Variants in CCNJ observed in about 807,000 individuals in gnomAD.
CCNJ encodes cyclin J, also known as cyclin-J.
CCNJ carries 12 observed loss-of-function variants against 41.4 expected under a neutral mutation model. That is an observed-to-expected ratio of 0.29 (90% confidence interval 0.19 to 0.47). CCNJ has a LOEUF of 0.47. Among genes scored for constraint, CCNJ ranks in the 20% least tolerant of loss-of-function variants. CCNJ has a pLI of 1.00. For synonymous variants in CCNJ, 161 were observed against 173.4 expected (o/e 0.93, Z 0.56); for missense variants, 340 against 464.6 (o/e 0.73, Z 2.47).
intron 1 of CCNJ, among the ~76,000 whole-genome samples, chr10:96,044,099 G>C (rs1434467857): frequency 6.6e-6 from 1 of 152,220 alleles, no homozygotes; most frequent in African/African-American, 2.4e-5. Flanking sequence ...TGGCAACTCA[G>C]GGCCCGAGTG....
At chr10:96,049,177 A>T (rs1348963461) in intron 2 of CCNJ, among the ~76,000 whole-genome samples, 1 of 152,162 alleles carries the variant, frequency 6.6e-6, no homozygotes, top group African/African-American at 2.4e-5. Context: ...TGCATTTCCT[A>T]ATAATTAGTG....
Position 96,060,047 on chromosome 10 carries a change from A to AGT in CCNJ, c.*1807_*1808dup, listed in dbSNP as rs1389902168. 2.0e-5 allele frequency: 3 copies of AGT among 152,670 alleles called. No individual in the cohort carries two copies. Among genetic ancestry groups the AGT allele is most frequent in the African/African-American group, 7.2e-5 (3 of 41,466 alleles). 9.5% of individuals were successfully genotyped at this position (152,670 alleles called of 1,614,324 possible). A position where few individuals can be genotyped will look rare whatever the true frequency, so the allele number is the denominator to read the frequency against. On this transcript the variant is annotated 3_prime_UTR_variant, in exon 6 of 6. Coordinates refer to ENST00000465148, the MANE Select transcript of CCNJ (RefSeq NM_001134375.2). ...TTAAGCATGAAAATTGTTTTCTGAA[A>AGT]GTATCATCACTTTTCCTTTTTAAAG... is the stretch of plus-strand genomic sequence containing the variant.
At position 96,051,164 on chromosome 10, in the gene CCNJ, T is replaced by A. The variant is rs539351763; in HGVS notation, c.280+698T>A. 4.6e-5 allele frequency among the ~76,000 whole-genome samples: 7 copies of A among 152,356 alleles called. No individual in the cohort carries two copies. In the South Asian group the frequency reaches 1.4e-3, roughly 32 times the overall value. ...TTGCTTATGCATTAGACCAACTGTG[T>A]AGTAGGCTCCAAGATACAATCTGAT... is the stretch of plus-strand genomic sequence containing the variant. On this transcript the variant is annotated intron_variant, in intron 3 of 5. Transcript: ENST00000465148.
chr10:96,043,811 T>A (rs2142017329), intron 1 of CCNJ, 92 bp downstream of exon 1: 1 of 384,198 alleles, frequency 2.6e-6, no homozygotes, highest in African/African-American at 2.1e-5. Flanking sequence ...AGAGCCTGGC[T>A]GGCCCGGCCT....
chr10:96,054,603 T>C (rs139357012), intron 3 of CCNJ, among the ~76,000 whole-genome samples: 2 of 152,314 alleles, frequency 1.3e-5, no homozygotes, highest in Non-Finnish European at 2.9e-5. Flanking sequence ...AATACAGAAA[T>C]CTGTCAGTTC....
Position 96,044,358 on chromosome 10 carries a change from A to G in CCNJ, c.-36A>G. The G allele has an allele frequency of 1.3e-6, 2 of 1,494,974 alleles. No individual in the cohort carries two copies. The highest frequency in any genetic ancestry group is 1.8e-6 in the Non-Finnish European group (2 of 1,112,892). The allele number at this position is 1,494,974 out of a possible 1,614,324, so 92.6% of individuals were successfully genotyped here. The stretch of plus-strand genomic sequence containing the variant: ...GCCTGGGGTGTGTCTTACAGACTCG[A>G]GTTGCCGCGTCGGGCTGGGCGCGCC... On this transcript the variant is annotated 5_prime_UTR_variant, in exon 2 of 6. Coordinates refer to ENST00000465148, the MANE Select transcript of CCNJ (RefSeq NM_001134375.2).
intron 3 of CCNJ, among the ~76,000 whole-genome samples, chr10:96,054,211 T>A (rs2080613398): frequency 1.3e-5 from 2 of 152,206 alleles, no homozygotes; most frequent in Non-Finnish European, 2.9e-5. Flanking sequence ...ATTTGGGGCC[T>A]TTATCAATAT....
In CCNJ at chr10:96,057,264, TTG is replaced by T; in HGVS notation, c.740+21_740+22del. On this transcript the variant is annotated intron_variant, in intron 5 of 5. Coordinates refer to ENST00000465148, the MANE Select transcript of CCNJ (RefSeq NM_001134375.2). ...ACTGTTGATGTAAGCCTTTTTATTC[TTG>T]TGTTTGTACTTTCTCATTAACAGTT... 6.2e-7 allele frequency: 1 copy of T among 1,608,444 alleles called. No individual in the cohort carries two copies. The highest frequency in any genetic ancestry group is 1.3e-5 in the African/African-American group (1 of 74,710).
At position 96,058,204 on chromosome 10, in the gene CCNJ, A is replaced by T; in HGVS notation, c.1115A>T (p.Glu372Val). The change falls in exon 6 of 6, where the codon GAA (glutamate) becomes GTA (valine). Residue 372 changes from glutamate to valine, a missense_variant. Physicochemically the swap from Glu to Val is moderately radical, Grantham distance 121 (BLOSUM62 -2). Coordinates refer to ENST00000465148, the MANE Select transcript of CCNJ (RefSeq NM_001134375.2). The part of the protein sequence containing the change: ...VSYNRSYQIN[E>V]HYPCITPCFE... The stretch of plus-strand genomic sequence containing the variant: ...TACAACCGGAGTTATCAGATAAATG[A>T]ACATTACCCTTGTATTACTCCATGT... 6.2e-7 allele frequency: 1 copy of T among 1,614,134 alleles called. No homozygotes were observed.
intron 2 of CCNJ, among the ~76,000 whole-genome samples, chr10:96,047,722 G>A (rs2080402774): frequency 6.6e-6 from 1 of 152,164 alleles, no homozygotes; most frequent in Non-Finnish European, 1.5e-5. Context: ...ATTAAGTTAG[G>A]TGAATATATA....
chr10:96,057,958 ATC>A lies in CCNJ; in HGVS notation c.872_873del (p.Leu291ProfsTer44). The A allele has an allele frequency of 1.9e-6, 3 of 1,614,192 alleles. No homozygotes were observed. The highest frequency in any genetic ancestry group is 2.5e-6 in the Non-Finnish European group (3 of 1,180,030). On this transcript the variant is annotated frameshift_variant, in exon 6 of 6. Coordinates refer to ENST00000465148, the MANE Select transcript of CCNJ (RefSeq NM_001134375.2). LOFTEE classifies it high-confidence loss of function. Reference sequence around the variant, plus strand: ...CCAGTTCACTTTCAGCAACCTCAGTATCTCCATCAGACACATCAGACCTCACT... The same window carrying A: ...CCAGTTCACTTTCAGCAACCTCAGTATCCATCAGACACATCAGACCTCACT...
In CCNJ at chr10:96,045,725, T is replaced by C. The variant is rs548160604; in HGVS notation, c.69+1263T>C. ...ATGTCATCTTTCAATGTGAAATGTT[T>C]TCTTTTTTAAAAAAATTAATATAGT... On this transcript the variant is annotated intron_variant, in intron 2 of 5. Coordinates refer to ENST00000465148, the MANE Select transcript of CCNJ (RefSeq NM_001134375.2). Among the ~76,000 whole-genome samples the C allele has an allele frequency of 2.1e-4, 32 of 152,348 alleles. No homozygotes were observed. In the South Asian group the frequency reaches 6.6e-3, roughly 32 times the overall value.
chr10:96,052,402 C>G (rs1375984935), intron 3 of CCNJ, among the ~76,000 whole-genome samples: 1 of 152,148 alleles, frequency 6.6e-6, no homozygotes, highest in African/African-American at 2.4e-5. Context: ...ATTTTAAAAA[C>G]TTGGTATCAT....
intron 3 of CCNJ, among the ~76,000 whole-genome samples, chr10:96,055,136 A>C (rs966968362): frequency 1.3e-5 from 2 of 152,148 alleles, no homozygotes; most frequent in African/African-American, 4.8e-5. Context: ...TGTTAAATTG[A>C]TCTTTATGTG....
intron 3 of CCNJ, among the ~76,000 whole-genome samples, chr10:96,055,738 T>C (rs143360012): frequency 6.6e-6 from 1 of 152,360 alleles, no homozygotes; most frequent in African/African-American, 2.4e-5. Context: ...ATATTGTCTT[T>C]ACTCCTATTC....
chr10:96,056,076 G>A (rs57185821), intron 3 of CCNJ, among the ~76,000 whole-genome samples: 5,636 of 152,306 alleles, frequency 0.037, 361 homozygotes, highest in East Asian at 0.28. Context: ...TTGGGAGGCC[G>A]AGGCAGGCAG....
intron 1 of CCNJ, 40 bp from the exon 2 acceptor site, chr10:96,044,313 G>A (rs1452671106): frequency 8.5e-7 from 1 of 1,181,358 alleles, no homozygotes; most frequent in South Asian, 2.5e-5. Context: ...GAGGGTCGCG[G>A]GGGAGCCGGC....
chr10:96,058,993 A>C lies in CCNJ; in HGVS notation c.*752A>C, dbSNP rs187365465. 1.2e-3 allele frequency: 187 copies of C among 152,962 alleles called. No homozygotes were observed. The highest frequency in any genetic ancestry group is 1.1e-3 in the Non-Finnish European group (76 of 68,176). The allele number at this position is 152,962 out of a possible 1,614,324, so 9.5% of individuals were successfully genotyped here. A position where few individuals can be genotyped will look rare whatever the true frequency, so the allele number is the denominator to read the frequency against. ...TACTACTTGGAAACACTTAACTGTA[A>C]TGCAACATGCCTTGGGAATGTTATA... On this transcript the variant is annotated 3_prime_UTR_variant, in exon 6 of 6. Coordinates refer to ENST00000465148, the MANE Select transcript of CCNJ (RefSeq NM_001134375.2).
rs934262080 is a variant in CCNJ at position 96,059,903 on chromosome 10, C to A, written c.*1662C>A. ...CAGTATCAATGCTTAGAGAAATATCCTTTCCTTAAAAAGAAAATAACTTTT... is the reference window on the plus strand; with the variant it reads ...CAGTATCAATGCTTAGAGAAATATCATTTCCTTAAAAAGAAAATAACTTTT... On this transcript the variant is annotated 3_prime_UTR_variant, in exon 6 of 6. Coordinates refer to ENST00000465148, the MANE Select transcript of CCNJ (RefSeq NM_001134375.2). The A allele has an allele frequency of 6.6e-5, 10 of 152,502 alleles. No homozygotes were observed. The highest frequency in any genetic ancestry group is 2.4e-4 in the African/African-American group (10 of 41,398). 9.4% of individuals were successfully genotyped at this position (152,502 alleles called of 1,614,324 possible).
Sources: allele counts gnomAD v4.1 joint callset (sites outside exome capture counted in the v4.1 genomes callset), GRCh38; gene constraint gnomAD v4.1.1; transcripts MANE v1.5; gene names NCBI Gene and HGNC (gene_info 2026-07-23, HGNC 2026-07-21).